Variants in TFDP1 observed in about 807,000 individuals in gnomAD.
TFDP1 encodes DRTF1-polypeptide 1.
TFDP1 carries 6 observed loss-of-function variants against 48.0 expected under a neutral mutation model. That is an observed-to-expected ratio of 0.13 (90% CI 0.07 to 0.25). The LOEUF (loss-of-function observed/expected upper bound fraction) is 0.25. Among genes scored for constraint, TFDP1 ranks in the 10% least tolerant of loss-of-function variants. The probability of loss-of-function intolerance (pLI) is 1.00; values close to 1 mark genes in which losing one functional copy is unlikely to be tolerated. For synonymous variants in TFDP1, 201 were observed against 211.6 expected (o/e 0.95, Z 0.44); for missense variants, 335 against 543.0 (o/e 0.62, Z 3.81).
At chr13:113,634,837 G>T (rs1235572478) in intron 8 of TFDP1, among the ~76,000 whole-genome samples, 1 of 152,022 alleles carries the variant, frequency 6.6e-6, no homozygotes, top group Non-Finnish European at 1.5e-5. Flanking sequence ...ATGTGTGTGT[G>T]TGTGCATGTG....
intron 11 of TFDP1, among the ~76,000 whole-genome samples, chr13:113,639,703 G>A (rs1024176218): frequency 1.1e-4 from 17 of 152,272 alleles, no homozygotes; most frequent in Non-Finnish European, 1.6e-4. Flanking sequence ...TGCCAGATTC[G>A]ACCCACGCTC....
At chr13:113,605,170 T>C (rs2048533408) in intron 2 of TFDP1, among the ~76,000 whole-genome samples, 1 of 151,896 alleles carries the variant, frequency 6.6e-6, no homozygotes, top group Admixed American at 6.5e-5. Flanking sequence ...TAACATTCTT[T>C]CCTGTCCTTG....
At chr13:113,584,717 G>C (rs1426232938), upstream of TFDP1, 1 of 147,312 alleles carries the variant, frequency 6.8e-6, no homozygotes, top group Non-Finnish European at 1.5e-5. Flanking sequence ...ACGCCGGCCC[G>C]ACGCTCGGCC....
chr13:113,612,046 A>C (rs184367260), intron 3 of TFDP1, among the ~76,000 whole-genome samples: 1 of 152,308 alleles, frequency 6.6e-6, no homozygotes, highest in East Asian at 1.9e-4. Flanking sequence ...TTTACTCTTA[A>C]CATTGTGACC....
At chr13:113,599,853 C>A (rs1419200303) in intron 2 of TFDP1, among the ~76,000 whole-genome samples, 1 of 145,812 alleles carries the variant, frequency 6.9e-6, no homozygotes, top group Admixed American at 6.8e-5. Context: ...AACCCAGGAC[C>A]GTGAAAGAGA....
At chr13:113,602,828 T>C (rs2048472055) in intron 2 of TFDP1, among the ~76,000 whole-genome samples, 1 of 152,166 alleles carries the variant, frequency 6.6e-6, no homozygotes, top group Non-Finnish European at 1.5e-5. Flanking sequence ...GGGCCCCTGC[T>C]GGGCCGTTTT....
Position 113,588,484 on chromosome 13 carries a change from G to A in TFDP1, c.12+2635G>A, listed in dbSNP as rs954007880. On this transcript the variant is annotated intron_variant, in intron 2 of 11. Transcript: ENST00000375370. ...AGCGGGTGGGAAAAGGCCACAAATG[G>A]CTCCATGTGAGTGAGGGGCAGAAAG... 5.9e-5 allele frequency among the ~76,000 whole-genome samples: 9 copies of A among 152,332 alleles called. No individual in the cohort carries two copies. In the East Asian group the frequency reaches 1.5e-3, roughly 26 times the overall value.
intron 3 of TFDP1, among the ~76,000 whole-genome samples, chr13:113,613,713 ATG>A (rs1312802653): frequency 1.5e-5 from 2 of 133,336 alleles, no homozygotes; most frequent in Non-Finnish European, 1.5e-5. Context: ...ATGCGTGGGT[ATG>A]TGAGGAGTGT....
chr13:113,595,222 C>A (rs146090897), intron 2 of TFDP1, among the ~76,000 whole-genome samples: 7 of 152,320 alleles, frequency 4.6e-5, no homozygotes, highest in African/African-American at 1.7e-4. Context: ...AACAAATGTG[C>A]ATCTGGTCCC....
chr13:113,604,652 G>GCTGT (rs10659711), intron 2 of TFDP1, among the ~76,000 whole-genome samples: 1 of 152,208 alleles, frequency 6.6e-6, no homozygotes, highest in East Asian at 1.9e-4. Context: ...GACCTCGGCT[G>GCTGT]TCCTGTTAAC....
chr13:113,593,564 G>C (rs1594408093), intron 2 of TFDP1, among the ~76,000 whole-genome samples: 2 of 136,936 alleles, frequency 1.5e-5, no homozygotes, highest in Middle Eastern at 5.0e-3. Flanking sequence ...CGGGTCCTCA[G>C]CCGTGCCCAG....
rs373197629 is a variant in TFDP1 at position 113,634,549 on chromosome 13, A to G, written c.634A>G (p.Arg212Gly). 1 of 1,613,634 alleles carries G rather than the reference A, an allele frequency of 6.2e-7. No homozygotes were observed. Among genetic ancestry groups the G allele is most frequent in the Non-Finnish European group, 8.5e-7 (1 of 1,179,850 alleles). The change falls in exon 8 of 12, where the codon AGA (arginine) becomes GGA (glycine). Residue 212 changes from arginine (R) to glycine (G), a missense_variant. By Grantham distance (125) the Arg-to-Gly change is moderately radical. Transcript: ENST00000375370. The stretch of plus-strand genomic sequence containing the variant: ...GTTTTTGAAGGTGGAAAGACAGAGG[A>G]GACTTGAAAGAATAAAACAGAAACA... ...CQNLEVERQR[R>G]LERIKQKQSQ...
rs778451183 is a variant in TFDP1 at position 113,636,136 on chromosome 13, G to A, written c.839+8G>A. Reference sequence around the variant, plus strand: ...CAGCATCTCCAATGACAAGTAGGTTGTGGGCGGGGAGCTGTTCCCTGGTCA... The same window carrying A: ...CAGCATCTCCAATGACAAGTAGGTTATGGGCGGGGAGCTGTTCCCTGGTCA... On this transcript the variant is annotated splice_region_variant and intron_variant, in intron 9 of 11. Coordinates refer to ENST00000375370, the MANE Select transcript of TFDP1 (RefSeq NM_007111.5). 43 of 1,613,918 alleles carry A rather than the reference G, an allele frequency of 2.7e-5. No individual in the cohort carries two copies. Among genetic ancestry groups the A allele is most frequent in the Admixed American group, 8.3e-5 (5 of 59,976 alleles).
chr13:113,638,319 C>A (rs1398789495), intron 11 of TFDP1, among the ~76,000 whole-genome samples: 1 of 150,364 alleles, frequency 6.7e-6, no homozygotes, highest in Non-Finnish European at 1.5e-5. Flanking sequence ...TGTCTGCGAT[C>A]ACAGCACACA....
At chr13:113,629,044 G>A (rs1193457207) in intron 4 of TFDP1, among the ~76,000 whole-genome samples, 2 of 152,228 alleles carry the variant, frequency 1.3e-5, no homozygotes, top group Non-Finnish European at 2.9e-5. Context: ...TTCCTGGGAG[G>A]GCTGGCTCCA....
chr13:113,585,871 T>C (rs760927477), intron 2 of TFDP1, 22 bp downstream of exon 2: 9 of 1,598,068 alleles, frequency 5.6e-6, no homozygotes, highest in South Asian at 1.1e-5. Flanking sequence ...TGCTTCATGC[T>C]GCACACGAAT....
intron 4 of TFDP1, among the ~76,000 whole-genome samples, chr13:113,630,021 T>C (rs1051447374): frequency 2.0e-5 from 3 of 152,140 alleles, no homozygotes; most frequent in African/African-American, 7.2e-5. Context: ...CAGTCTGACA[T>C]CAACTCCCGG....
chr13:113,634,028 T>G lies in TFDP1; in HGVS notation c.613T>G (p.Leu205Val). The G allele has an allele frequency of 1.2e-6, 2 of 1,614,166 alleles. No homozygotes were observed. The highest frequency in any genetic ancestry group is 1.7e-6 in the Non-Finnish European group (2 of 1,180,036). The part of the protein sequence containing the change: ...PTNSAQECQN[L>V]EVERQRRLER... ...CAACTCGGCTCAGGAATGTCAGAAC[T>G]TAGAGGTGCCCCTTCAGCCTTCCTT... The change falls in exon 7 of 12, where the codon TTA becomes GTA. Residue 205 changes from leucine (L) to valine (V), a missense_variant. Physicochemically the swap from Leu to Val is conservative, Grantham distance 32 (BLOSUM62 1). Coordinates refer to ENST00000375370, the MANE Select transcript of TFDP1 (RefSeq NM_007111.5).
intron 4 of TFDP1, among the ~76,000 whole-genome samples, chr13:113,628,795 C>G (rs1388067376): frequency 6.6e-6 from 1 of 152,234 alleles, no homozygotes; most frequent in Admixed American, 6.5e-5. Flanking sequence ...CCTGTTTTCC[C>G]TGCGCTTCTG....
Sources: allele counts gnomAD v4.1 joint callset (sites outside exome capture counted in the v4.1 genomes callset), GRCh38; gene constraint gnomAD v4.1.1; transcripts MANE v1.5; gene names NCBI Gene and HGNC (gene_info 2026-07-23, HGNC 2026-07-21).